Variants in GABRG3 observed in about 807,000 individuals in gnomAD.
GABRG3 encodes gamma-aminobutyric acid type A receptor subunit gamma3, also known as gamma-aminobutyric acid receptor subunit gamma-3.
A neutral mutation model predicts 48.8 loss-of-function variants in GABRG3; 25 were observed. The observed-to-expected ratio is 0.51, with a 90% CI of 0.37 to 0.72. The LOEUF is 0.72. Ranked by LOEUF, GABRG3 falls within the 30% of genes least tolerant of loss-of-function variation. The pLI is 0.00. For missense variants in GABRG3, 394 were observed against 577.9 expected (o/e 0.68, Z 3.26); for synonymous variants, 227 against 217.6 (o/e 1.04, Z -0.38).
At chr15:27,226,167 C>T (rs1165885632) in intron 3 of GABRG3, among the ~76,000 whole-genome samples, 2 of 152,040 alleles carry the variant, frequency 1.3e-5, no homozygotes, top group Non-Finnish European at 2.9e-5. Flanking sequence ...GAGAATAGAG[C>T]GCCCAGGGAT....
chr15:27,095,890 C>T (rs1595521794), intron 3 of GABRG3, among the ~76,000 whole-genome samples: 1 of 152,156 alleles, frequency 6.6e-6, no homozygotes, highest in African/African-American at 2.4e-5. Context: ...AAACTGAGCT[C>T]CTCCTGGCTG....
chr15:26,999,479 G>T (rs998725203), intron 2 of GABRG3, among the ~76,000 whole-genome samples: 4 of 152,006 alleles, frequency 2.6e-5, no homozygotes, highest in Non-Finnish European at 4.4e-5. Flanking sequence ...AGTTTCCTTT[G>T]TTCCTTTGTG....
chr15:27,212,209 G>A (rs1454190085), intron 3 of GABRG3, among the ~76,000 whole-genome samples: 1 of 152,216 alleles, frequency 6.6e-6, no homozygotes, highest in Non-Finnish European at 1.5e-5. Flanking sequence ...GATTACGGAA[G>A]CAGTAGTGTC....
intron 3 of GABRG3, among the ~76,000 whole-genome samples, chr15:27,143,939 C>T (rs899432116): frequency 6.6e-6 from 1 of 152,052 alleles, no homozygotes; most frequent in African/African-American, 2.4e-5. Flanking sequence ...ATTTATTTCT[C>T]AAATAAAAGA....
intron 3 of GABRG3, among the ~76,000 whole-genome samples, chr15:27,097,006 A>T (rs1323131379): frequency 5.6e-4 from 74 of 131,712 alleles, no homozygotes; most frequent in Non-Finnish European, 7.1e-4. Context: ...ATACCCGGCT[A>T]TTTTTTTTTT....
chr15:27,053,402 C>T (rs756293741), intron 3 of GABRG3, among the ~76,000 whole-genome samples: 7 of 152,264 alleles, frequency 4.6e-5, no homozygotes, highest in Middle Eastern at 3.4e-3. Flanking sequence ...CATCACTAAC[C>T]GTCAGAGAAT....
chr15:27,308,696 A>C (rs34140974), intron 3 of GABRG3, among the ~76,000 whole-genome samples: 3,890 of 149,574 alleles, frequency 0.026, 137 homozygotes, highest in East Asian at 0.087. Flanking sequence ...TAAACATATA[A>C]TGTAAACATA....
At chr15:27,490,336 G>A (rs1890318812) in intron 6 of GABRG3, among the ~76,000 whole-genome samples, 1 of 152,206 alleles carries the variant, frequency 6.6e-6, no homozygotes, top group Admixed American at 6.5e-5. Context: ...GTGCAGACAA[G>A]GGATGCTGTG....
At chr15:27,012,487 A>C (rs554661698) in intron 2 of GABRG3, among the ~76,000 whole-genome samples, 1 of 152,164 alleles carries the variant, frequency 6.6e-6, no homozygotes, top group African/African-American at 2.4e-5. Flanking sequence ...TAATCTTTAC[A>C]GATATATTTT....
chr15:27,305,416 C>A (rs988902888), intron 3 of GABRG3, among the ~76,000 whole-genome samples: 33 of 149,786 alleles, frequency 2.2e-4, no homozygotes, highest in Non-Finnish European at 3.4e-4. Context: ...GAAGACCCAA[C>A]GTGGTAAACA....
At chr15:27,314,021 TAA>T (rs1893124601) in intron 3 of GABRG3, among the ~76,000 whole-genome samples, 1 of 151,874 alleles carries the variant, frequency 6.6e-6, no homozygotes, top group African/African-American at 2.4e-5. Context: ...TCCACAAAGC[TAA>T]GAGTGTTTTC....
At chr15:27,455,217 G>T (rs1889226854) in intron 5 of GABRG3, among the ~76,000 whole-genome samples, 2 of 152,240 alleles carry the variant, frequency 1.3e-5, no homozygotes, top group Admixed American at 1.3e-4. Context: ...CTGTGGGCTA[G>T]CAGCATGAGG....
rs1385181927 is a variant in GABRG3 at position 27,527,975 on chromosome 15, A to C, written c.1105A>C (p.Ser369Arg). Residue 369 changes from serine to arginine, a missense_variant, in exon 9 of 10, where the codon AGC (serine) becomes CGC (arginine). By Grantham distance (110) the Ser-to-Arg change is moderately radical. Transcript: ENST00000615808. The stretch of plus-strand genomic sequence containing the variant: ...CTCAAGATGGATTCCTGAGCGAATA[A>C]GCCTACAAGCCCCTTCCGTACGTAT... ...DSSRWIPERI[S>R]LQAPSNYSLL... The C allele has an allele frequency of 6.3e-7, 1 of 1,598,248 alleles. No homozygotes were observed. Among genetic ancestry groups the C allele is most frequent in the Non-Finnish European group, 8.5e-7 (1 of 1,171,294 alleles).
chr15:27,391,238 CT>C (rs1297009530), intron 5 of GABRG3, among the ~76,000 whole-genome samples: 1 of 152,126 alleles, frequency 6.6e-6, no homozygotes, highest in Non-Finnish European at 1.5e-5. Context: ...TTCTATTACA[CT>C]TGTAAAGCAA....
chr15:27,116,008 A>G (rs1432021388), intron 3 of GABRG3, among the ~76,000 whole-genome samples: 1 of 152,216 alleles, frequency 6.6e-6, no homozygotes, highest in African/African-American at 2.4e-5. Flanking sequence ...TATGCAAGGA[A>G]CAGAGGGTGG....
Position 27,535,252 on chromosome 15 carries a change from G to A in GABRG3, c.*2371G>A, listed in dbSNP as rs535202317. Reference sequence around the variant, plus strand: ...TGTAAACGAAGTTCTGGAGAGAACTGAATTTTCTAGAAAAATTCTTATTGG... The same window carrying A: ...TGTAAACGAAGTTCTGGAGAGAACTAAATTTTCTAGAAAAATTCTTATTGG... On this transcript the variant is annotated 3_prime_UTR_variant, in exon 10 of 10. Coordinates refer to ENST00000615808, the MANE Select transcript of GABRG3 (RefSeq NM_033223.5). 6.4e-4 allele frequency: 97 copies of A among 152,276 alleles called. 1 individual carries two copies. Among genetic ancestry groups the A allele is most frequent in the African/African-American group, 2.3e-3 (94 of 41,562 alleles). 9.4% of individuals were successfully genotyped at this position (152,276 alleles called of 1,614,324 possible).
At chr15:27,139,109 T>TGGAGGC (rs1898059628) in intron 3 of GABRG3, among the ~76,000 whole-genome samples, 1 of 152,046 alleles carries the variant, frequency 6.6e-6, no homozygotes, top group Admixed American at 6.6e-5. Context: ...CACAGGATTA[T>TGGAGGC]GGAGGCTGAA....
At chr15:27,514,278 C>G (rs1890967672) in intron 6 of GABRG3, among the ~76,000 whole-genome samples, 1 of 152,140 alleles carries the variant, frequency 6.6e-6, no homozygotes, top group Admixed American at 6.5e-5. Context: ...CATTTATGAC[C>G]TTATAATTTC....
At chr15:27,388,160 A>AAGG (rs1253555385) in intron 5 of GABRG3, among the ~76,000 whole-genome samples, 1 of 84,814 alleles carries the variant, frequency 1.2e-5, no homozygotes, top group Non-Finnish European at 2.1e-5. Context: ...GGAAGGAAGA[A>AAGG]AGGAAGGAAG....
Sources: gnomAD v4.1 joint callset for allele counts (sites outside exome capture counted in the v4.1 genomes callset) on GRCh38, gnomAD v4.1.1 for gene constraint, MANE v1.5 for transcripts, NCBI Gene and HGNC (gene_info 2026-07-23, HGNC 2026-07-21) for gene names.